The following GRID2 variants were observed in gnomAD, a reference collection of about 807,000 sequenced individuals.
GRID2 encodes the protein glutamate ionotropic receptor delta type subunit 2.
Under a neutral mutation model 114.8 loss-of-function variants are expected in GRID2, and 33 were observed. The observed-to-expected ratio is 0.29, with a 90% CI of 0.22 to 0.38. GRID2 has a LOEUF of 0.38. Among genes scored for constraint, GRID2 ranks in the 10% least tolerant of loss-of-function variants. GRID2 has a pLI of 1.00. For synonymous variants in GRID2, 505 were observed against 449.9 expected (o/e 1.12, Z -1.55); for missense variants, 1,184 against 1,257.7 (o/e 0.94, Z 0.89).
chr4:93,252,713 T>C (rs1749105962), intron 8 of GRID2, among the ~76,000 whole-genome samples: 1 of 152,162 alleles, frequency 6.6e-6, no homozygotes, highest in Admixed American at 6.5e-5. Context: ...GGAATGTTTT[T>C]CCATTTATTT....
chr4:92,764,634 A>G (rs1182693824), intron 2 of GRID2, among the ~76,000 whole-genome samples: 1 of 152,206 alleles, frequency 6.6e-6, no homozygotes, highest in Non-Finnish European at 1.5e-5. Flanking sequence ...TATAGAACTT[A>G]ACACAATTTG....
chr4:93,522,578 ATAATTATT>A (rs1019984431), intron 13 of GRID2, among the ~76,000 whole-genome samples: 1 of 152,128 alleles, frequency 6.6e-6, no homozygotes, highest in African/African-American at 2.4e-5. Flanking sequence ...CAAAAAAAAC[ATAATTATT>A]GTTATGAATC....
chr4:93,741,159 C>CTATATATATATACATATATA (rs1560963214), intron 14 of GRID2, among the ~76,000 whole-genome samples: 4 of 47,182 alleles, frequency 8.5e-5, no homozygotes, highest in Admixed American at 2.9e-4. Context: ...ACCTGAGAAA[C>CTATATATATATACATATATA]TATATATATA....
rs183077626 is a variant in GRID2 at position 93,138,958 on chromosome 4, C to T, written c.735+28005C>T. ...TACAAGTCCTTTCTACTTTCATCTC[C>T]TGCTATTCTTTCATTTACTCTAAAC... On this transcript the variant is annotated intron_variant, in intron 4 of 15. Transcript: ENST00000282020. Among the ~76,000 whole-genome samples, 39 of 152,292 alleles carry T rather than the reference C, an allele frequency of 2.6e-4. 1 individual carries two copies. Among genetic ancestry groups the T allele is most frequent in the Admixed American group, 2.5e-3 (38 of 15,304 alleles).
chr4:92,764,409 G>A (rs1234742322), intron 2 of GRID2, among the ~76,000 whole-genome samples: 1 of 152,072 alleles, frequency 6.6e-6, no homozygotes, highest in Non-Finnish European at 1.5e-5. Context: ...CTTACAATTG[G>A]GTCTTTTGAG....
intron 8 of GRID2, among the ~76,000 whole-genome samples, chr4:93,272,941 C>G (rs1751625187): frequency 3.3e-5 from 5 of 152,190 alleles, no homozygotes; most frequent in Admixed American, 3.3e-4. Context: ...ATTCCTCACT[C>G]CCATGTCTGG....
At chr4:92,622,534 A>G (rs552427945) in intron 2 of GRID2, among the ~76,000 whole-genome samples, 32 of 151,916 alleles carry the variant, frequency 2.1e-4, no homozygotes, top group African/African-American at 7.2e-4. Context: ...TTGGAATAAT[A>G]CTATTTTTTC....
Position 92,745,814 on chromosome 4 carries a change from G to A in GRID2, c.244+155528G>A, listed in dbSNP as rs538810425. On this transcript the variant is annotated intron_variant, in intron 2 of 15. Coordinates refer to ENST00000282020, the MANE Select transcript of GRID2 (RefSeq NM_001510.4). ...ATATATTTAAATACAAAAAGACCAT[G>A]TAGCAAATTCAATGCTATAAAGTAA... 9.2e-5 allele frequency among the ~76,000 whole-genome samples: 14 copies of A among 152,196 alleles called. 1 individual carries two copies. Among genetic ancestry groups the A allele is most frequent in the Non-Finnish European group, 1.5e-4 (10 of 67,964 alleles).
chr4:92,680,827 A>T (rs1733614885), intron 2 of GRID2, among the ~76,000 whole-genome samples: 1 of 152,138 alleles, frequency 6.6e-6, no homozygotes, highest in African/African-American at 2.4e-5. Context: ...GAAAAATGAG[A>T]TTTCTGTCCC....
At chr4:92,512,047 A>G (rs1481570831) in intron 1 of GRID2, among the ~76,000 whole-genome samples, 2 of 148,096 alleles carry the variant, frequency 1.4e-5, no homozygotes, top group Non-Finnish European at 3.0e-5. Context: ...TGACCATTCT[A>G]TTTTTTTTTT....
chr4:93,324,614 C>T (rs1045609375), intron 8 of GRID2, among the ~76,000 whole-genome samples: 3 of 152,108 alleles, frequency 2.0e-5, no homozygotes, highest in African/African-American at 7.2e-5. Flanking sequence ...AGGAATGGTA[C>T]CAGCTCCTCT....
At chr4:92,900,984 G>C (rs1747543922) in intron 2 of GRID2, among the ~76,000 whole-genome samples, 1 of 146,856 alleles carries the variant, frequency 6.8e-6, no homozygotes, top group Admixed American at 7.0e-5. Flanking sequence ...ATCTGTTTTA[G>C]ACACTTAGGT....
intron 2 of GRID2, among the ~76,000 whole-genome samples, chr4:92,866,414 T>A (rs1744866691): frequency 6.6e-6 from 1 of 152,242 alleles, no homozygotes; most frequent in African/African-American, 2.4e-5. Flanking sequence ...TATTCACTTT[T>A]GTGCCTTCTT....
intron 14 of GRID2, among the ~76,000 whole-genome samples, chr4:93,733,642 C>T (rs1296925570): frequency 6.6e-6 from 1 of 152,084 alleles, no homozygotes; most frequent in Non-Finnish European, 1.5e-5. Flanking sequence ...AAATCCCAAA[C>T]ATTTCAGTGC....
intron 1 of GRID2, among the ~76,000 whole-genome samples, chr4:92,402,400 T>C (rs1219866062): frequency 6.6e-6 from 1 of 152,216 alleles, no homozygotes; most frequent in South Asian, 2.1e-4. Flanking sequence ...CCACTACTTA[T>C]GGCAGGTATC....
intron 1 of GRID2, among the ~76,000 whole-genome samples, chr4:92,490,466 A>G (rs1052764710): frequency 6.6e-6 from 1 of 152,222 alleles, no homozygotes; most frequent in Non-Finnish European, 1.5e-5. Context: ...GCTGAACAGC[A>G]AATGGACAAA....
chr4:92,542,869 G>A (rs1242177271), intron 1 of GRID2, among the ~76,000 whole-genome samples: 1 of 152,116 alleles, frequency 6.6e-6, no homozygotes, highest in Non-Finnish European at 1.5e-5. Context: ...TATAGTACGT[G>A]TGGGTTCTAG....
At chr4:92,579,570 C>A (rs17320444) in intron 1 of GRID2, among the ~76,000 whole-genome samples, 4,971 of 151,940 alleles carry the variant, frequency 0.033, 112 homozygotes, top group Middle Eastern at 0.089. Flanking sequence ...GGTCTTGGAA[C>A]CCAGAGAGTT....
At chr4:92,777,407 A>C (rs1276297671) in intron 2 of GRID2, among the ~76,000 whole-genome samples, 1 of 152,098 alleles carries the variant, frequency 6.6e-6, no homozygotes, top group Non-Finnish European at 1.5e-5. Flanking sequence ...TTTCTCATCC[A>C]GTCCAAATCC....
Sources: allele counts gnomAD v4.1 joint callset (sites outside exome capture counted in the v4.1 genomes callset), GRCh38; gene constraint gnomAD v4.1.1; transcripts MANE v1.5; gene names NCBI Gene and HGNC (gene_info 2026-07-23, HGNC 2026-07-21).